CFAP61: variants seen among roughly 807,000 people sequenced by gnomAD.
CFAP61 encodes the protein cilia- and flagella-associated protein 61.
In CFAP61, 107 loss-of-function variants were observed where a neutral mutation model predicts 135.6. The observed-to-expected ratio is 0.79, with a 90% CI of 0.67 to 0.93. The LOEUF is 0.93. Ranked by LOEUF, CFAP61 falls within the 40% of genes least tolerant of loss-of-function variation. The probability of loss-of-function intolerance (pLI) is 0.00; values close to 1 mark genes in which losing one functional copy is unlikely to be tolerated. For synonymous variants in CFAP61, 575 were observed against 578.5 expected (o/e 0.99, Z 0.09); for missense variants, 1,507 against 1,556.2 (o/e 0.97, Z 0.53).
chr20:20,246,143 C>T lies in CFAP61; in HGVS notation c.2087C>T (p.Thr696Ile). ...TCTCACATGAAGTTTAATAATCTTACCCTGATTTCAACTCATGGACTCCCA... is the reference window on the plus strand; with the variant it reads ...TCTCACATGAAGTTTAATAATCTTATCCTGATTTCAACTCATGGACTCCCA... ...FCSHMKFNNL[T>I]LISTHGLPGK... The change falls in exon 19 of 27, where the codon ACC becomes ATC. Residue 696 changes from threonine (T) to isoleucine (I), a missense_variant. By Grantham distance (89) the Thr-to-Ile change is moderately conservative. Coordinates refer to ENST00000245957, the MANE Select transcript of CFAP61 (RefSeq NM_015585.4). 6.2e-7 allele frequency: 1 copy of T among 1,612,260 alleles called. No homozygotes were observed. The highest frequency in any genetic ancestry group is 1.1e-5 in the South Asian group (1 of 91,004).
At chr20:20,312,008 A>T (rs2056862085) in intron 25 of CFAP61, among the ~76,000 whole-genome samples, 1 of 152,216 alleles carries the variant, frequency 6.6e-6, no homozygotes, top group Non-Finnish European at 1.5e-5. Context: ...TGAAAGCAAG[A>T]CATGAATGTA....
At chr20:20,130,578 C>G (rs926311595) in intron 8 of CFAP61, among the ~76,000 whole-genome samples, 1 of 151,704 alleles carries the variant, frequency 6.6e-6, no homozygotes, top group Non-Finnish European at 1.5e-5. Flanking sequence ...TACCTGCTGA[C>G]TTTCTTTTTT....
intron 24 of CFAP61, among the ~76,000 whole-genome samples, chr20:20,296,363 T>C (rs1373157238): frequency 4.1e-4 from 41 of 101,172 alleles, no homozygotes; most frequent in East Asian, 9.5e-4. Flanking sequence ...TTCTTTCCTT[T>C]CTTCATCCCT....
At chr20:20,155,869 T>G (rs1236492089) in intron 9 of CFAP61, among the ~76,000 whole-genome samples, 1 of 152,116 alleles carries the variant, frequency 6.6e-6, no homozygotes, top group Non-Finnish European at 1.5e-5. Context: ...GGAGATTCCT[T>G]AAAGAATTAA....
At chr20:20,212,614 C>T (rs1287363907) in intron 17 of CFAP61, among the ~76,000 whole-genome samples, 1 of 152,182 alleles carries the variant, frequency 6.6e-6, no homozygotes, top group African/African-American at 2.4e-5. Flanking sequence ...GCCCGATAAA[C>T]ACCATGGCTT....
At position 20,360,571 on chromosome 20, in the gene CFAP61, T is replaced by C. The variant is rs2059433332; in HGVS notation, c.*161T>C. 4.7e-6 allele frequency: 3 copies of C among 635,842 alleles called. No individual in the cohort carries two copies. The African/African-American group carries it at 5.5e-5, about 12-fold the overall frequency. 39.4% of individuals were successfully genotyped at this position (635,842 alleles called of 1,614,324 possible). On this transcript the variant is annotated 3_prime_UTR_variant, in exon 27 of 27. Coordinates refer to ENST00000245957, the MANE Select transcript of CFAP61 (RefSeq NM_015585.4). ...TCCCTGACTTATGCCTGTAGTTTTC[T>C]ATCATCCCAGTAGGTGGCACACGGC...
intron 26 of CFAP61, among the ~76,000 whole-genome samples, chr20:20,351,216 TC>T (rs1253537053): frequency 6.6e-6 from 1 of 151,796 alleles, no homozygotes; most frequent in Non-Finnish European, 1.5e-5. Context: ...CCTTAAAGAC[TC>T]CACCAAAAAA....
chr20:20,344,461 T>C (rs1047678317), intron 26 of CFAP61, among the ~76,000 whole-genome samples: 1 of 152,180 alleles, frequency 6.6e-6, no homozygotes, highest in Non-Finnish European at 1.5e-5. Context: ...TTCTCAAATA[T>C]TGAAATGAGG....
chr20:20,067,370 C>G (rs149776294), intron 2 of CFAP61, among the ~76,000 whole-genome samples: 319 of 152,036 alleles, frequency 2.1e-3, no homozygotes, highest in African/African-American at 7.4e-3. Flanking sequence ...ATCACGAGGT[C>G]AAGAGATCCA....
chr20:20,062,902 G>A (rs2044916566), intron 2 of CFAP61, among the ~76,000 whole-genome samples: 1 of 152,188 alleles, frequency 6.6e-6, no homozygotes, highest in Non-Finnish European at 1.5e-5. Context: ...GATCAAGACT[G>A]TAGAGTAACC....
chr20:20,061,021 A>G (rs2044758910), intron 2 of CFAP61, among the ~76,000 whole-genome samples: 1 of 152,230 alleles, frequency 6.6e-6, no homozygotes, highest in African/African-American at 2.4e-5. Flanking sequence ...GGCAGCCCAC[A>G]GAACCATGAG....
At chr20:20,079,103 G>A (rs911704372) in intron 6 of CFAP61, among the ~76,000 whole-genome samples, 1 of 152,184 alleles carries the variant, frequency 6.6e-6, no homozygotes, top group Non-Finnish European at 1.5e-5. Flanking sequence ...GATGAACTTT[G>A]GGTGAGAGGA....
At chr20:20,259,515 C>T (rs544959954) in intron 20 of CFAP61, among the ~76,000 whole-genome samples, 4 of 151,506 alleles carry the variant, frequency 2.6e-5, no homozygotes, top group South Asian at 2.1e-4. Context: ...TCAAGGGATC[C>T]GCCTGCCTCA....
intron 8 of CFAP61, among the ~76,000 whole-genome samples, chr20:20,130,685 C>T (rs2050453704): frequency 6.6e-6 from 1 of 151,730 alleles, no homozygotes; most frequent in African/African-American, 2.4e-5. Flanking sequence ...TGCCACCCAT[C>T]CTGAATGGAG....
At chr20:20,299,241 C>T (rs1444078834) in intron 25 of CFAP61, among the ~76,000 whole-genome samples, 1 of 152,178 alleles carries the variant, frequency 6.6e-6, no homozygotes. Context: ...TCTATGGGCC[C>T]ACTGCCTATG....
At chr20:20,073,679 G>A (rs923887512) in intron 3 of CFAP61, among the ~76,000 whole-genome samples, 1 of 152,176 alleles carries the variant, frequency 6.6e-6, no homozygotes, top group African/African-American at 2.4e-5. Context: ...AGAAGGAGGA[G>A]ACAAAGCTCT....
intron 25 of CFAP61, chr20:20,322,622 TATC>T (rs2122258328): frequency 1.1e-6 from 1 of 899,252 alleles, no homozygotes; most frequent in South Asian, 5.1e-5. Context: ...TGGTAAATGG[TATC>T]ATTAACTCCC....
chr20:20,357,073 C>T (rs77166213), intron 26 of CFAP61, among the ~76,000 whole-genome samples: 1 of 98,418 alleles, frequency 1.0e-5, no homozygotes, highest in East Asian at 3.6e-4. Context: ...AGTGGTCACA[C>T]TGAGAGGAGG....
In CFAP61 at chr20:20,187,937, A is replaced by T; in HGVS notation, c.1393A>T (p.Asn465Tyr). 1.9e-6 allele frequency: 3 copies of T among 1,612,590 alleles called. No homozygotes were observed. The highest frequency in any genetic ancestry group is 2.5e-6 in the Non-Finnish European group (3 of 1,178,586). Residue 465 changes from asparagine (N) to tyrosine (Y), a missense_variant, in exon 14 of 27, where the codon AAT becomes TAT. Transcript: ENST00000245957. Reference protein sequence around the residue: ...FHRAGLLKSINIRFATLLDTP... With the variant: ...FHRAGLLKSIYIRFATLLDTP... ...ATTCCTCTCCTTACCCAGGTCCATT[A>T]ATATAAGATTTGCCACTCTCTTGGA...
Sources: gnomAD v4.1 joint callset for allele counts (sites outside exome capture counted in the v4.1 genomes callset) on GRCh38, gnomAD v4.1.1 for gene constraint, MANE v1.5 for transcripts, NCBI Gene and HGNC (gene_info 2026-07-23, HGNC 2026-07-21) for gene names.